The following CHD3 variants were observed in gnomAD, a reference collection of about 807,000 sequenced individuals.
CHD3 encodes ATP-dependent chromatin remodeler CHD3.
CHD3 carries 52 observed loss-of-function variants against 248.9 expected under a neutral mutation model. The observed-to-expected ratio is 0.21, with a 90% CI of 0.17 to 0.26. The LOEUF is 0.26. Ranked by LOEUF, CHD3 falls within the 10% of genes least tolerant of loss-of-function variation. The pLI, the probability that CHD3 is intolerant of heterozygous loss-of-function variation, is 1.00. For synonymous variants in CHD3, 985 were observed against 985.2 expected, an observed-to-expected ratio of 1.00 and a Z score of 0.00; for missense variants, 1,482 against 2,605.8, an observed-to-expected ratio of 0.57 and a Z score of 9.39.
Position 7,905,374 on chromosome 17 carries a change from A to G in CHD3, c.4138+209A>G, listed in dbSNP as rs138253055. 3.2e-4 allele frequency: 197 copies of G among 617,578 alleles called. No individual in the cohort carries two copies. In the East Asian group the frequency reaches 5.2e-3, roughly 16 times the overall value. 38.3% of individuals were successfully genotyped at this position (617,578 alleles called of 1,614,324 possible). A position where few individuals can be genotyped will look rare whatever the true frequency, so the allele number is the denominator to read the frequency against. ...CACATAGGCTAGATCCAGAAAGGCC[A>G]TATCATTTTCCATTCCCACTGGTAA... On this transcript the variant is annotated intron_variant, in intron 26 of 39. Transcript: ENST00000330494. This position sits in a 1 kb window ranked among gnomAD's most constrained non-coding sequence, Gnocchi z 5.8.
In CHD3 at chr17:7,897,903, CCTT is replaced by C; in HGVS notation, c.1920-64_1920-62del. 6.6e-7 allele frequency: 1 copy of C among 1,517,514 alleles called. No individual in the cohort carries two copies. The allele number at this position is 1,517,514 out of a possible 1,614,324, so 94.0% of individuals were successfully genotyped here. On this transcript the variant is annotated intron_variant, in intron 11 of 39. Transcript: ENST00000330494. The surrounding 1 kb of genome is among the most constrained non-coding windows in gnomAD (Gnocchi z 4.8). ...TTTGCTGATAATTGCGTTTCTCAGG[CCTT>C]CTTTCTGTTTGTGATCTGTGCAATA...
At position 7,904,159 on chromosome 17, in the gene CHD3, C is replaced by A; in HGVS notation, c.3894+168C>A. The A allele has an allele frequency of 1.5e-6, 1 of 688,146 alleles. No individual in the cohort carries two copies. The allele number at this position is 688,146 out of a possible 1,614,324, so 42.6% of individuals were successfully genotyped here. A position where few individuals can be genotyped will look rare whatever the true frequency, so the allele number is the denominator to read the frequency against. On this transcript the variant is annotated intron_variant, in intron 24 of 39. Transcript: ENST00000330494. The surrounding 1 kb of genome is among the most constrained non-coding windows in gnomAD (Gnocchi z 4.4). ...ACTGGACTTCAGAGAGAAACGTAGG[C>A]ACAGACAGTACTGGTAAACACAGAA... is the stretch of plus-strand genomic sequence containing the variant.
Position 7,908,841 on chromosome 17 carries a change from G to A in CHD3, c.5394+12G>A. ...CCCGGAGGTTCAAGGTGGGAATGAG[G>A]GAGGAAAGGAGCGGGTTATAGACGG... On this transcript the variant is annotated intron_variant, in intron 36 of 39. Coordinates refer to ENST00000330494, the MANE Select transcript of CHD3 (RefSeq NM_001005273.3). This position sits in a 1 kb window ranked among gnomAD's most constrained non-coding sequence, Gnocchi z 5.8. 6.2e-7 allele frequency: 1 copy of A among 1,614,094 alleles called. No individual in the cohort carries two copies. Among genetic ancestry groups the A allele is most frequent in the African/African-American group, 1.3e-5 (1 of 75,038 alleles).
rs1184744677 is a variant in CHD3, at chr17:7,894,147, AGAGGCT to A, written c.962_967del (p.Ala321_Glu322del). ...TTCAGAGCGACGAAGGTCCTGAACC[AGAGGCT>A]GAGGAATCAGACCTGGACAGTGGCA... On this transcript the variant is annotated inframe_deletion, in exon 7 of 40. Transcript: ENST00000330494. The A allele has an allele frequency of 6.2e-7, 1 of 1,613,988 alleles. No individual in the cohort carries two copies. The highest frequency in any genetic ancestry group is 1.1e-5 in the South Asian group (1 of 91,052).
In CHD3 at chr17:7,904,956, G is replaced by T. The variant is rs1487822675; in HGVS notation, c.4073-144G>T. 2.7e-6 allele frequency: 2 copies of T among 747,342 alleles called. No homozygotes were observed. Among genetic ancestry groups the T allele is most frequent in the Non-Finnish European group, 2.3e-6 (1 of 432,258 alleles). The allele number at this position is 747,342 out of a possible 1,614,324, so 46.3% of individuals were successfully genotyped here. A position where few individuals can be genotyped will look rare whatever the true frequency, so the allele number is the denominator to read the frequency against. The stretch of plus-strand genomic sequence containing the variant: ...ATGCGGCTCCCAAGTCAGACTTTGG[G>T]CAGTGATCTGGTGTTCCCAGAAGGA... On this transcript the variant is annotated intron_variant, in intron 25 of 39. Coordinates refer to ENST00000330494, the MANE Select transcript of CHD3 (RefSeq NM_001005273.3). This position sits in a 1 kb window ranked among gnomAD's most constrained non-coding sequence, Gnocchi z 4.4.
Position 7,905,061 on chromosome 17 carries a change from G to C in CHD3, c.4073-39G>C. The C allele has an allele frequency of 6.3e-7, 1 of 1,591,646 alleles. No homozygotes were observed. The highest frequency in any genetic ancestry group is 8.6e-7 in the Non-Finnish European group (1 of 1,159,538). On this transcript the variant is annotated intron_variant, in intron 25 of 39. Coordinates refer to ENST00000330494, the MANE Select transcript of CHD3 (RefSeq NM_001005273.3). The surrounding 1 kb of genome is among the most constrained non-coding windows in gnomAD (Gnocchi z 5.8). Reference sequence around the variant, plus strand: ...GGGCCTCAGCATGGGCATATCCCGAGAGCCCTCCCTGACCACTGGGCCCTT... The same window carrying C: ...GGGCCTCAGCATGGGCATATCCCGACAGCCCTCCCTGACCACTGGGCCCTT...
In CHD3 at chr17:7,911,487, C is replaced by G. The variant is rs774192352; in HGVS notation, c.5905C>G (p.Leu1969Val). Residue 1969 changes from leucine to valine, a missense_variant, in exon 40 of 40, where the codon CTT becomes GTT. Leu to Val is a conservative substitution (Grantham distance 32). This residue lies in a region of CHD3 where 117 missense variants were observed against 137.2 expected (regional missense o/e 0.85). Coordinates refer to ENST00000330494, the MANE Select transcript of CHD3 (RefSeq NM_001005273.3). The surrounding 1 kb of genome is among the most constrained non-coding windows in gnomAD (Gnocchi z 5.4). ...AGCCGCCACCAACGGCCCTCCAGTG[C>G]TTGTGAAGAAGGAGAAGGAAATGGT... Reference protein sequence around the residue: ...ITAATNGPPVLVKKEKEMVGA... With the variant: ...ITAATNGPPVVVKKEKEMVGA... 3.7e-6 allele frequency: 6 copies of G among 1,614,066 alleles called. No homozygotes were observed. The South Asian group carries it at 6.6e-5, about 18-fold the overall frequency.
chr17:7,907,345 T>C lies in CHD3; in HGVS notation c.4789-8T>C, dbSNP rs757860845. On this transcript the variant is annotated splice_region_variant and splice_polypyrimidine_tract_variant and intron_variant, in intron 31 of 39. Coordinates refer to ENST00000330494, the MANE Select transcript of CHD3 (RefSeq NM_001005273.3). The surrounding 1 kb of genome is among the most constrained non-coding windows in gnomAD (Gnocchi z 4.3). ...CTGGCTCATCCTGACCCCATTGTCCTCTTCCAGGCTGATGCCCCCAGCCCA... is the reference window on the plus strand; with the variant it reads ...CTGGCTCATCCTGACCCCATTGTCCCCTTCCAGGCTGATGCCCCCAGCCCA... 2 of 1,605,842 alleles carry C rather than the reference T, an allele frequency of 1.2e-6. No homozygotes were observed. The highest frequency in any genetic ancestry group is 1.7e-4 in the Middle Eastern group (1 of 6,034).
In CHD3 at chr17:7,910,682, G is replaced by T. The variant is rs1971541451; in HGVS notation, c.5754+91G>T. 1.3e-6 allele frequency: 2 copies of T among 1,523,898 alleles called. No individual in the cohort carries two copies. The highest frequency in any genetic ancestry group is 1.4e-5 in the African/African-American group (1 of 72,434). The allele number at this position is 1,523,898 out of a possible 1,614,324, so 94.4% of individuals were successfully genotyped here. A position where few individuals can be genotyped will look rare whatever the true frequency, so the allele number is the denominator to read the frequency against. The stretch of plus-strand genomic sequence containing the variant: ...TTCCATCAGAATCCTATACAATATG[G>T]AAAAACAACTTGCTAGAACACAGTC... On this transcript the variant is annotated intron_variant, in intron 38 of 39. Coordinates refer to ENST00000330494, the MANE Select transcript of CHD3 (RefSeq NM_001005273.3). This position sits in a 1 kb window ranked among gnomAD's most constrained non-coding sequence, Gnocchi z 4.7.
rs2151642496 is a variant in CHD3 at position 7,907,158 on chromosome 17, A to T, written c.4699A>T (p.Ile1567Leu). Residue 1567 changes from isoleucine to leucine, a missense_variant, in exon 31 of 40, where the codon ATA becomes TTA. Physicochemically the swap from Ile to Leu is conservative, Grantham distance 5. Coordinates refer to ENST00000330494, the MANE Select transcript of CHD3 (RefSeq NM_001005273.3). The surrounding 1 kb of genome is among the most constrained non-coding windows in gnomAD (Gnocchi z 4.3). ...TPAPSEKGEG[I>L]RTPLEKEEAE... ...AGCTCCAAGTGAGAAAGGAGAAGGC[A>T]TAAGGACACCTCTTGAGAAGGAGGA... 1.2e-6 allele frequency: 2 copies of T among 1,614,244 alleles called. No individual in the cohort carries two copies. Among genetic ancestry groups the T allele is most frequent in the South Asian group, 2.2e-5 (2 of 91,088 alleles).
At position 7,894,502 on chromosome 17, in the gene CHD3, G is replaced by A; in HGVS notation, c.1163G>A (p.Gly388Asp). 6.2e-7 allele frequency: 1 copy of A among 1,614,168 alleles called. No individual in the cohort carries two copies. The highest frequency in any genetic ancestry group is 8.5e-7 in the Non-Finnish European group (1 of 1,180,020). ...GATTACTGTGAGGTGTGCCAGCAGG[G>A]TGGGGAAATTATTCTGTGTGACACC... ...HQDYCEVCQQ[G>D]GEIILCDTCP... The change falls in exon 8 of 40, where the codon GGT (glycine) becomes GAT (aspartate). Residue 388 changes from glycine to aspartate, a missense_variant. Gly to Asp is a moderately conservative substitution (Grantham distance 94). Coordinates refer to ENST00000330494, the MANE Select transcript of CHD3 (RefSeq NM_001005273.3).
upstream of CHD3, among the ~76,000 whole-genome samples, chr17:7,886,757 C>T (rs1396061989): frequency 6.6e-6 from 1 of 152,110 alleles, no homozygotes; most frequent in Non-Finnish European, 1.5e-5. The surrounding 1 kb of genome is among the most constrained non-coding windows in gnomAD (Gnocchi z 4.2). Context: ...GAAAGGCCGT[C>T]AGGTCCTGCC....
Position 7,907,501 on chromosome 17 carries a change from C to A in CHD3, c.4924+13C>A. On this transcript the variant is annotated intron_variant, in intron 32 of 39. Transcript: ENST00000330494. The surrounding 1 kb of genome is among the most constrained non-coding windows in gnomAD (Gnocchi z 4.3). ...AGAGAGAAGTCAGGTGGGTGCATGG[C>A]CTTAGGAGTGATGGGGGATTAGAAT... 1 of 1,558,892 alleles carries A rather than the reference C, an allele frequency of 6.4e-7. No homozygotes were observed. The highest frequency in any genetic ancestry group is 8.7e-7 in the Non-Finnish European group (1 of 1,154,640).
chr17:7,910,099 G>C lies in CHD3; in HGVS notation c.5591-329G>C. 1 of 393,404 alleles carries C rather than the reference G, an allele frequency of 2.5e-6. No individual in the cohort carries two copies. The highest frequency in any genetic ancestry group is 5.9e-5 in the East Asian group (1 of 16,946). 24.4% of individuals were successfully genotyped at this position (393,404 alleles called of 1,614,324 possible). ...TTGCTCTTCCAGTATGAGATGTTCT[G>C]ACAACTCCCCGCCCCCATGTCTTCC... is the stretch of plus-strand genomic sequence containing the variant. On this transcript the variant is annotated intron_variant, in intron 37 of 39. Transcript: ENST00000330494. This position sits in a 1 kb window ranked among gnomAD's most constrained non-coding sequence, Gnocchi z 4.7.
At position 7,895,590 on chromosome 17, in the gene CHD3, C is replaced by T. The variant is rs1325140972; in HGVS notation, c.1707+48C>T. 1.3e-6 allele frequency: 2 copies of T among 1,491,950 alleles called. No homozygotes were observed. Among genetic ancestry groups the T allele is most frequent in the Non-Finnish European group, 1.9e-6 (2 of 1,072,582 alleles). 92.4% of individuals were successfully genotyped at this position (1,491,950 alleles called of 1,614,324 possible). The stretch of plus-strand genomic sequence containing the variant: ...TCTCCCCCATGACCTCATTTCCTGC[C>T]ATCCTCTCCCTCTCTTACTCCTCTG... On this transcript the variant is annotated intron_variant, in intron 10 of 39. Coordinates refer to ENST00000330494, the MANE Select transcript of CHD3 (RefSeq NM_001005273.3). This position sits in a 1 kb window ranked among gnomAD's most constrained non-coding sequence, Gnocchi z 4.9.
Position 7,910,841 on chromosome 17 carries a change from T to C in CHD3, c.5755-6T>C. ...AACTCCAACTTCTGCTTCCTCTCTG[T>C]TCCAGGCCTACCCGCCGGGTCCCTA... On this transcript the variant is annotated splice_region_variant and splice_polypyrimidine_tract_variant and intron_variant, in intron 38 of 39. Coordinates refer to ENST00000330494, the MANE Select transcript of CHD3 (RefSeq NM_001005273.3). The surrounding 1 kb of genome is among the most constrained non-coding windows in gnomAD (Gnocchi z 4.7). 1 of 1,598,658 alleles carries C rather than the reference T, an allele frequency of 6.3e-7. No individual in the cohort carries two copies. Among genetic ancestry groups the C allele is most frequent in the Non-Finnish European group, 8.5e-7 (1 of 1,174,870 alleles).
chr17:7,895,620 T>C lies in CHD3; in HGVS notation c.1707+78T>C, dbSNP rs1019151362. The stretch of plus-strand genomic sequence containing the variant: ...TCTCCCTCTCTTACTCCTCTGTTTG[T>C]TGGGTTCCCATACTCTTTGTTTTCT... On this transcript the variant is annotated intron_variant, in intron 10 of 39. Coordinates refer to ENST00000330494, the MANE Select transcript of CHD3 (RefSeq NM_001005273.3). The surrounding 1 kb of genome is among the most constrained non-coding windows in gnomAD (Gnocchi z 4.9). 77 of 1,306,898 alleles carry C rather than the reference T, an allele frequency of 5.9e-5. No individual in the cohort carries two copies. Among genetic ancestry groups the C allele is most frequent in the African/African-American group, 1.5e-5 (1 of 68,558 alleles). The allele number at this position is 1,306,898 out of a possible 1,614,324, so 81.0% of individuals were successfully genotyped here.
chr17:7,911,783 A>G lies in CHD3; in HGVS notation c.*198A>G, dbSNP rs772956656. On this transcript the variant is annotated 3_prime_UTR_variant, in exon 40 of 40. Coordinates refer to ENST00000330494, the MANE Select transcript of CHD3 (RefSeq NM_001005273.3). The surrounding 1 kb of genome is among the most constrained non-coding windows in gnomAD (Gnocchi z 5.4). ...TTCTCCACTCCCACACACCTTTCCC[A>G]CCAAGCCTTGAAGACTGTGCTGGTG... is the stretch of plus-strand genomic sequence containing the variant. The G allele has an allele frequency of 7.2e-5, 106 of 1,476,934 alleles. No homozygotes were observed. Among genetic ancestry groups the G allele is most frequent in the Non-Finnish European group, 9.2e-5 (101 of 1,099,876 alleles). 91.5% of individuals were successfully genotyped at this position (1,476,934 alleles called of 1,614,324 possible). A position where few individuals can be genotyped will look rare whatever the true frequency, so the allele number is the denominator to read the frequency against.
chr17:7,900,904 G>A lies in CHD3; in HGVS notation c.3031G>A (p.Gly1011Ser). 6.2e-7 allele frequency: 1 copy of A among 1,614,134 alleles called. No individual in the cohort carries two copies. Among genetic ancestry groups the A allele is most frequent in the African/African-American group, 1.3e-5 (1 of 75,016 alleles). The stretch of plus-strand genomic sequence containing the variant: ...AAATTTTGAGGCCTTGAATTCACGA[G>A]GTGGTGGGAACCAGGTGTCGCTGCT... ...TRNFEALNSRGGGNQVSLLNI... is the reference protein window; with the variant it reads ...TRNFEALNSRSGGNQVSLLNI... Residue 1011 changes from glycine (G) to serine (S), a missense_variant, in exon 19 of 40, where the codon GGT (glycine) becomes AGT (serine). Transcript: ENST00000330494. This position sits in a 1 kb window ranked among gnomAD's most constrained non-coding sequence, Gnocchi z 6.5.
Sources: allele counts gnomAD v4.1 joint callset (sites outside exome capture counted in the v4.1 genomes callset), GRCh38; gene constraint gnomAD v4.1.1; regional missense constraint gnomAD v4.1.1; non-coding constraint Gnocchi (gnomAD v3.1); transcripts MANE v1.5; gene names NCBI Gene and HGNC (gene_info 2026-07-23, HGNC 2026-07-21).